SLIT2: variants seen among roughly 807,000 people sequenced by gnomAD.
SLIT2 encodes slit guidance ligand 2, also known as slit homolog 2 protein.
Under a neutral mutation model 185.7 loss-of-function variants are expected in SLIT2, and 41 were observed. The observed-to-expected ratio is 0.22, with a 90% CI of 0.17 to 0.29. SLIT2 has a LOEUF of 0.29. SLIT2 is among the 10% of genes least tolerant of loss of function. The pLI is 1.00. For missense variants in SLIT2, 1,571 were observed against 1,909.0 expected (o/e 0.82, Z 3.30); for synonymous variants, 693 against 680.2 (o/e 1.02, Z -0.29).
At chr4:20,567,687 C>A in intron 28 of SLIT2, 72 bp downstream of exon 28, 1 of 1,196,616 alleles carries the variant, frequency 8.4e-7, no homozygotes, top group Non-Finnish European at 1.2e-6. Context: ...CATACATTTT[C>A]CTTTTCAAAT....
intron 4 of SLIT2, among the ~76,000 whole-genome samples, chr4:20,388,083 C>T (rs991561959): frequency 2.6e-5 from 4 of 151,970 alleles, no homozygotes; most frequent in African/African-American, 9.7e-5. Context: ...AGGGAATTTC[C>T]AAAAACTGAT....
At chr4:20,481,809 T>G (rs1202619042) in intron 6 of SLIT2, among the ~76,000 whole-genome samples, 1 of 152,030 alleles carries the variant, frequency 6.6e-6, no homozygotes, top group Non-Finnish European at 1.5e-5. Context: ...TGGTTTTAAT[T>G]GCAAGAAAAT....
chr4:20,613,670 C>T lies in SLIT2; in HGVS notation c.3848-3240C>T, dbSNP rs147154603. ...ATACACTGTTGGTGGGGAGTGTAAC[C>T]CTCATATACCCCTGAACTTAAGATA... On this transcript the variant is annotated intron_variant, in intron 34 of 36. Coordinates refer to ENST00000504154, the MANE Select transcript of SLIT2 (RefSeq NM_004787.4). 2.8e-3 allele frequency among the ~76,000 whole-genome samples: 432 copies of T among 152,002 alleles called. 4 individuals are homozygous for T. The highest frequency in any genetic ancestry group is 0.01 in the African/African-American group (417 of 41,448).
rs147805100 is a variant in SLIT2 at position 20,571,937 on chromosome 4, C to T, written c.3088+2933C>T. Among the ~76,000 whole-genome samples the T allele has an allele frequency of 1.6e-3, 246 of 152,256 alleles. 4 individuals carry two copies. In the East Asian group the frequency reaches 0.042, roughly 26 times the overall value. Reference sequence around the variant, plus strand: ...GACATTATGTCAATGGAAACAAATTCAGAGATCTGAGAGCAATCTGACAGA... The same window carrying T: ...GACATTATGTCAATGGAAACAAATTTAGAGATCTGAGAGCAATCTGACAGA... On this transcript the variant is annotated intron_variant, in intron 29 of 36. Transcript: ENST00000504154.
intron 4 of SLIT2, among the ~76,000 whole-genome samples, chr4:20,409,250 GT>G (rs979045343): frequency 6.6e-6 from 1 of 152,150 alleles, no homozygotes; most frequent in African/African-American, 2.4e-5. Flanking sequence ...AGGCCCCTGT[GT>G]GTGTTGTTCC....
At chr4:20,418,212 C>T (rs1477551078) in intron 4 of SLIT2, among the ~76,000 whole-genome samples, 2 of 152,216 alleles carry the variant, frequency 1.3e-5, no homozygotes, top group East Asian at 1.9e-4. Flanking sequence ...TTTTTCACTT[C>T]GGCTGTTGTT....
chr4:20,388,888 CATA>C (rs1725166507), intron 4 of SLIT2, among the ~76,000 whole-genome samples: 1 of 133,068 alleles, frequency 7.5e-6, no homozygotes, highest in East Asian at 2.1e-4. Context: ...ATATATAAAA[CATA>C]ATATATATAA....
intron 20 of SLIT2, 39 bp downstream of exon 20, chr4:20,541,658 C>G: frequency 6.5e-7 from 1 of 1,530,280 alleles, no homozygotes; most frequent in Non-Finnish European, 9.0e-7. Context: ...GTCAGGCATT[C>G]ACATGCCTGT....
chr4:20,344,191 G>A (rs914079691), intron 4 of SLIT2, among the ~76,000 whole-genome samples: 4 of 152,178 alleles, frequency 2.6e-5, no homozygotes, highest in Non-Finnish European at 4.4e-5. Flanking sequence ...AAAGGGAAAT[G>A]TGGTGTTTTT....
chr4:20,404,988 T>G (rs1354719503), intron 4 of SLIT2, among the ~76,000 whole-genome samples: 1 of 150,652 alleles, frequency 6.6e-6, no homozygotes, highest in Non-Finnish European at 1.5e-5. Flanking sequence ...TAAAAGATTT[T>G]ATTTGTATAT....
In SLIT2 at chr4:20,262,002, T is replaced by C. The variant is rs552360962; in HGVS notation, c.323+4063T>C. Among the ~76,000 whole-genome samples, 13 of 151,934 alleles carry C rather than the reference T, an allele frequency of 8.6e-5. No homozygotes were observed. In the East Asian group the frequency reaches 2.3e-3, roughly 27 times the overall value. On this transcript the variant is annotated intron_variant, in intron 3 of 36. Transcript: ENST00000504154. ...CACTAGCTTTGTCATTTGATACTCA[T>C]TTATGCTTGAAAATGAGCTCTGAAA...
chr4:20,542,913 T>C (rs900750353), intron 21 of SLIT2, among the ~76,000 whole-genome samples: 4 of 150,358 alleles, frequency 2.7e-5, no homozygotes, highest in African/African-American at 9.8e-5. Context: ...ACTATGACTC[T>C]TCAAGAAACA....
intron 4 of SLIT2, among the ~76,000 whole-genome samples, chr4:20,297,555 C>T (rs2322429): frequency 0.2 from 30,780 of 151,978 alleles, 3,624 homozygotes; most frequent in Middle Eastern, 0.32. Flanking sequence ...TCTGGAAAAT[C>T]GTAATTTTTT....
At chr4:20,282,348 A>T (rs1714855328) in intron 4 of SLIT2, among the ~76,000 whole-genome samples, 1 of 152,216 alleles carries the variant, frequency 6.6e-6, no homozygotes, top group Non-Finnish European at 1.5e-5. Context: ...TTTGATAAAA[A>T]GTTTTGTTAT....
chr4:20,264,712 C>T (rs1042374183), intron 3 of SLIT2, among the ~76,000 whole-genome samples: 1 of 151,878 alleles, frequency 6.6e-6, no homozygotes, highest in Non-Finnish European at 1.5e-5. Flanking sequence ...AAAGATCATT[C>T]TCTCTTCTGA....
intron 3 of SLIT2, among the ~76,000 whole-genome samples, chr4:20,262,942 G>A (rs1324480884): frequency 1.3e-5 from 2 of 151,704 alleles, no homozygotes; most frequent in African/African-American, 2.4e-5. Context: ...TATAAATTCT[G>A]AAGCAGTGAG....
intron 4 of SLIT2, among the ~76,000 whole-genome samples, chr4:20,425,213 GT>G (rs1457066346): frequency 6.6e-6 from 1 of 152,036 alleles, no homozygotes; most frequent in African/African-American, 2.4e-5. Flanking sequence ...TAAACAATAA[GT>G]TTTAATTTTT....
At chr4:20,469,151 A>G in intron 5 of SLIT2, among the ~76,000 whole-genome samples, 1 of 152,166 alleles carries the variant, frequency 6.6e-6, no homozygotes, top group South Asian at 2.1e-4. Context: ...AGGTAGACTC[A>G]ATGATACACA....
rs145441226 is a variant in SLIT2 at position 20,447,408 on chromosome 4, G to A, written c.396-20344G>A. ...TCTGCAGTGATCAGTTGTGAGGGAC[G>A]CCCTGAGTTATAATAGCAGGAGTAG... On this transcript the variant is annotated intron_variant, in intron 4 of 36. Transcript: ENST00000504154. Among the ~76,000 whole-genome samples, 213 of 152,288 alleles carry A rather than the reference G, an allele frequency of 1.4e-3. 1 individual carries two copies. Among genetic ancestry groups the A allele is most frequent in the Non-Finnish European group, 2.3e-3 (159 of 68,030 alleles).
Sources: gnomAD v4.1 joint callset for allele counts (sites outside exome capture counted in the v4.1 genomes callset) on GRCh38, gnomAD v4.1.1 for gene constraint, MANE v1.5 for transcripts, NCBI Gene and HGNC (gene_info 2026-07-23, HGNC 2026-07-21) for gene names.